The following PIK3C2G variants were observed in gnomAD, a reference collection of about 807,000 sequenced individuals.
PIK3C2G encodes phosphatidylinositol 3-kinase C2 domain-containing subunit gamma.
A neutral mutation model predicts 181.1 loss-of-function variants in PIK3C2G; 168 were observed. That is an observed-to-expected ratio of 0.93 (90% CI 0.82 to 1.05). The LOEUF (loss-of-function observed/expected upper bound fraction) is 1.05, where lower values mean the gene tolerates loss of function less well. Ranked by LOEUF, PIK3C2G falls within the 50% of genes least tolerant of loss-of-function variation. The pLI is 0.00. For synonymous variants in PIK3C2G, 573 were observed against 592.2 expected, an observed-to-expected ratio of 0.97 and a Z score of 0.47; for missense variants, 1,869 against 1,732.8, an observed-to-expected ratio of 1.08 and a Z score of -1.40.
At chr12:18,407,786 A>G (rs779455672) in intron 16 of PIK3C2G, among the ~76,000 whole-genome samples, 24 of 152,154 alleles carry the variant, frequency 1.6e-4, no homozygotes, top group Non-Finnish European at 2.9e-4. Flanking sequence ...AAAGATTAAG[A>G]GAAGGATTTT....
intron 5 of PIK3C2G, among the ~76,000 whole-genome samples, chr12:18,297,917 C>T (rs1414184949): frequency 2.0e-5 from 3 of 151,758 alleles, no homozygotes; most frequent in Non-Finnish European, 4.4e-5. Context: ...TTCTTTCTTT[C>T]TTCATTCATT....
At chr12:18,681,002 G>A in the PIK3C2G span, among the ~76,000 whole-genome samples, 57 of 152,108 alleles carry the variant, frequency 3.7e-4, no homozygotes, top group Middle Eastern at 0.01. Context: ...GCATTGTTGC[G>A]TTTGGACGAT....
chr12:18,315,938 C>T (rs931633113), intron 6 of PIK3C2G, among the ~76,000 whole-genome samples: 1 of 150,808 alleles, frequency 6.6e-6, no homozygotes, highest in African/African-American at 2.5e-5. Context: ...TTTTCCACAG[C>T]AATATCCATG....
At chr12:18,496,327 T>A (rs539266678) in intron 21 of PIK3C2G, among the ~76,000 whole-genome samples, 173 bp downstream of exon 21, 1 of 152,154 alleles carries the variant, frequency 6.6e-6, no homozygotes, top group South Asian at 2.1e-4. Flanking sequence ...CAAACTCCAA[T>A]TGGCAATAAA....
chr12:18,662,635 C>T, the PIK3C2G span, among the ~76,000 whole-genome samples: 1 of 152,076 alleles, frequency 6.6e-6, no homozygotes, highest in Admixed American at 6.6e-5. Context: ...GATATTAATG[C>T]ATTAAAAGTA....
At chr12:18,650,443 T>A (rs1358789688), downstream of PIK3C2G, among the ~76,000 whole-genome samples, 1 of 149,382 alleles carries the variant, frequency 6.7e-6, no homozygotes, top group East Asian at 2.0e-4. Flanking sequence ...TTTTAATCTT[T>A]GCCATTCAAA....
chr12:18,334,647 T>C (rs992578792), intron 8 of PIK3C2G, among the ~76,000 whole-genome samples: 6 of 152,222 alleles, frequency 3.9e-5, no homozygotes, highest in Non-Finnish European at 8.8e-5. Context: ...CTACATTCTC[T>C]CTCGGGACAA....
chr12:18,597,479 T>C (rs530235564), intron 30 of PIK3C2G, among the ~76,000 whole-genome samples: 12 of 152,210 alleles, frequency 7.9e-5, no homozygotes, highest in African/African-American at 2.6e-4. Flanking sequence ...AACTAATCTA[T>C]TATATTAATA....
the PIK3C2G span, among the ~76,000 whole-genome samples, chr12:18,706,243 T>TA: frequency 2.7e-3 from 324 of 120,686 alleles, 1 homozygote; most frequent in Middle Eastern, 8.6e-3. Context: ...AAAATAAAAA[T>TA]AAAAAAAAAA....
intron 15 of PIK3C2G, among the ~76,000 whole-genome samples, chr12:18,396,342 T>C (rs1254216349): frequency 6.6e-6 from 1 of 151,600 alleles, no homozygotes; most frequent in African/African-American, 2.4e-5. Flanking sequence ...CTCACAAAAC[T>C]AGACATAGAA....
At chr12:18,658,510 G>T in the PIK3C2G span, among the ~76,000 whole-genome samples, 2 of 151,982 alleles carry the variant, frequency 1.3e-5, no homozygotes, top group African/African-American at 4.8e-5. Context: ...AGACCATGGA[G>T]GCCAGACATA....
At chr12:18,655,697 C>G in the PIK3C2G span, among the ~76,000 whole-genome samples, 14 of 151,624 alleles carry the variant, frequency 9.2e-5, no homozygotes, top group South Asian at 2.9e-3. Flanking sequence ...ATGAAAGTGG[C>G]ACTTTACCTC....
At chr12:18,462,169 C>T (rs1282349860) in intron 18 of PIK3C2G, among the ~76,000 whole-genome samples, 1 of 152,158 alleles carries the variant, frequency 6.6e-6, no homozygotes, top group Non-Finnish European at 1.5e-5. Flanking sequence ...GGAGTGGGCG[C>T]ATTATTCAGT....
At chr12:18,375,941 G>C (rs573102461) in intron 13 of PIK3C2G, among the ~76,000 whole-genome samples, 96 of 152,362 alleles carry the variant, frequency 6.3e-4, no homozygotes, top group African/African-American at 2.2e-3. Flanking sequence ...CAAGCACACA[G>C]AGTGCAGGAG....
At chr12:18,278,676 T>C (rs1420501301) in intron 1 of PIK3C2G, among the ~76,000 whole-genome samples, 13 of 152,142 alleles carry the variant, frequency 8.5e-5, no homozygotes, top group Non-Finnish European at 1.6e-4. Flanking sequence ...AAACTACATG[T>C]GTAGTTCTGT....
At chr12:18,659,217 C>T in the PIK3C2G span, among the ~76,000 whole-genome samples, 1 of 152,132 alleles carries the variant, frequency 6.6e-6, no homozygotes, top group Non-Finnish European at 1.5e-5. Context: ...ACTTTAGGCA[C>T]TAAATAACCA....
intron 24 of PIK3C2G, among the ~76,000 whole-genome samples, chr12:18,515,542 G>GT (rs1220220657): frequency 6.6e-6 from 1 of 151,834 alleles, no homozygotes; most frequent in African/African-American, 2.4e-5. Context: ...CTGAGCCTTT[G>GT]TATTTCTATC....
intron 1 of PIK3C2G, among the ~76,000 whole-genome samples, chr12:18,251,216 A>G (rs1003089258): frequency 6.6e-6 from 1 of 152,018 alleles, no homozygotes; most frequent in African/African-American, 2.4e-5. Context: ...GAGTATTTAT[A>G]GCACATTATT....
At chr12:18,342,066 G>A (rs1422938513) in intron 9 of PIK3C2G, among the ~76,000 whole-genome samples, 4 of 152,072 alleles carry the variant, frequency 2.6e-5, no homozygotes, top group East Asian at 1.9e-4. Flanking sequence ...GGCGAACCAC[G>A]AAGTGAAAAT....
Sources: allele counts gnomAD v4.1 joint callset (sites outside exome capture counted in the v4.1 genomes callset), GRCh38; gene constraint gnomAD v4.1.1; transcripts MANE v1.5; gene names NCBI Gene and HGNC (gene_info 2026-07-23, HGNC 2026-07-21).